Variants in PCBP2 observed in about 807,000 individuals in gnomAD.
The protein encoded by PCBP2 is poly(rC) binding protein 2.
In PCBP2, 4 loss-of-function variants were observed where a neutral mutation model predicts 50.1. The observed-to-expected ratio is 0.08, with a 90% CI of 0.04 to 0.18. The LOEUF is 0.18. PCBP2 is among the 10% of genes least tolerant of loss of function. The probability of loss-of-function intolerance (pLI) is 1.00; values close to 1 mark genes in which losing one functional copy is unlikely to be tolerated. For synonymous variants in PCBP2, 179 were observed against 168.0 expected (o/e 1.07, Z -0.51); for missense variants, 161 against 474.3 (o/e 0.34, Z 6.14).
intron 12 of PCBP2, chr12:53,468,432 A>G (rs1414629571): frequency 3.3e-6 from 1 of 301,750 alleles, no homozygotes; most frequent in Non-Finnish European, 6.2e-6. Flanking sequence ...TTTGGAACAC[A>G]ACAGGAAAGG....
intron 8 of PCBP2, 115 bp from the exon 9 acceptor site, chr12:53,464,645 T>C: frequency 7.1e-7 from 1 of 1,401,504 alleles, no homozygotes; most frequent in Admixed American, 2.7e-5. Flanking sequence ...GTGTCTGAGC[T>C]CCTTTTTAAA....
chr12:53,470,262 C>T (rs907804615), intron 13 of PCBP2, among the ~76,000 whole-genome samples: 6 of 151,056 alleles, frequency 4.0e-5, no homozygotes, highest in Non-Finnish European at 8.8e-5. Flanking sequence ...CCTGTAATCC[C>T]ATTACTCAGA....
intron 1 of PCBP2, among the ~76,000 whole-genome samples, chr12:53,454,016 AAAACATCTCAAATCTGAGT>A (rs1357873478): frequency 2.0e-5 from 3 of 152,238 alleles, no homozygotes; most frequent in Non-Finnish European, 4.4e-5. Context: ...AAAAGCAAGG[AAAACATCTCAAATCTGAGT>A]AACAAGTTGG....
intron 8 of PCBP2, among the ~76,000 whole-genome samples, chr12:53,463,000 T>TC (rs1262102605): frequency 6.6e-6 from 1 of 152,106 alleles, no homozygotes; most frequent in Non-Finnish European, 1.5e-5. Flanking sequence ...TCCCCTTCCC[T>TC]CCACCTCACC....
Position 53,454,797 on chromosome 12 carries a change from C to A in PCBP2, c.-4C>A. 3 of 1,613,802 alleles carry A rather than the reference C, an allele frequency of 1.9e-6. No individual in the cohort carries two copies. The highest frequency in any genetic ancestry group is 2.5e-6 in the Non-Finnish European group (3 of 1,179,714). Reference sequence around the variant, plus strand: ...AAGTCCAGCTCCCCAGAACACTGCTCGACATGGACACCGGTGTGATTGAAG... The same window carrying A: ...AAGTCCAGCTCCCCAGAACACTGCTAGACATGGACACCGGTGTGATTGAAG... On this transcript the variant is annotated 5_prime_UTR_variant, in exon 2 of 15. Coordinates refer to ENST00000546463, the MANE Select transcript of PCBP2 (RefSeq NM_031989.5).
At chr12:53,469,894 A>C (rs1472162022) in intron 13 of PCBP2, among the ~76,000 whole-genome samples, 1 of 150,584 alleles carries the variant, frequency 6.6e-6, no homozygotes. Flanking sequence ...GGCATGTGCC[A>C]CCATGTCCGG....
chr12:53,467,554 G>GTAGGCTGA (rs1329801187), intron 11 of PCBP2: 1 of 614,650 alleles, frequency 1.6e-6, no homozygotes, highest in African/African-American at 1.9e-5. Context: ...CAGGCAAAGG[G>GTAGGCTGA]TAGGCTGATA....
intron 6 of PCBP2, chr12:53,460,746 A>G (rs1941397298): frequency 6.4e-6 from 2 of 313,012 alleles, no homozygotes; most frequent in Non-Finnish European, 1.2e-5. Context: ...TTGAAAGGCA[A>G]CTATTTAGAA....
rs1940567982 is a variant in PCBP2, at chr12:53,452,159, CCCGCCCT to C, written c.-286_-280del. 1 of 132,166 alleles carries C rather than the reference CCCGCCCT, an allele frequency of 7.6e-6. No individual in the cohort carries two copies. Among genetic ancestry groups the C allele is most frequent in the Non-Finnish European group, 1.7e-5 (1 of 60,396 alleles). The allele number at this position is 132,166 out of a possible 1,614,324, so 8.2% of individuals were successfully genotyped here. On this transcript the variant is annotated 5_prime_UTR_variant, in exon 1 of 15. Transcript: ENST00000546463. ...CGCAGCCTGCGCCCTCTCCCGCCCG[CCCGCCCT>C]CCGCCCGCCCGCCCGCCCTCCGCCG...
intron 13 of PCBP2, among the ~76,000 whole-genome samples, chr12:53,470,371 CG>C: frequency 9.6e-6 from 1 of 104,220 alleles, no homozygotes; most frequent in Non-Finnish European, 1.9e-5. Context: ...ACCAAGACTC[CG>C]TCTCTCAAAA....
At chr12:53,466,771 C>G (rs1941854428) in intron 10 of PCBP2, among the ~76,000 whole-genome samples, 1 of 152,078 alleles carries the variant, frequency 6.6e-6, no homozygotes. Context: ...TCACCTCTCT[C>G]CTCCTTGCAG....
In PCBP2 at chr12:53,454,711, A is replaced by T; in HGVS notation, c.-75-15A>T. 1.1e-6 allele frequency: 1 copy of T among 923,894 alleles called. No homozygotes were observed. The highest frequency in any genetic ancestry group is 1.8e-6 in the Non-Finnish European group (1 of 561,114). The allele number at this position is 923,894 out of a possible 1,614,324, so 57.2% of individuals were successfully genotyped here. A position where few individuals can be genotyped will look rare whatever the true frequency, so the allele number is the denominator to read the frequency against. On this transcript the variant is annotated splice_polypyrimidine_tract_variant and intron_variant, in intron 1 of 14. Transcript: ENST00000546463. The stretch of plus-strand genomic sequence containing the variant: ...TTGTTTTCCTCCTCTGATTTTGGTC[A>T]TGTTTGCATTTTAGTTTTTGGCTTT...
chr12:53,467,446 G>T, intron 11 of PCBP2, 153 bp downstream of exon 11: 1 of 734,904 alleles, frequency 1.4e-6, no homozygotes, highest in Non-Finnish European at 2.5e-6. Context: ...GCCCAAGGAG[G>T]TAATGTGTTT....
intron 10 of PCBP2, among the ~76,000 whole-genome samples, chr12:53,466,315 C>A (rs1941819369): frequency 6.6e-6 from 1 of 152,180 alleles, no homozygotes; most frequent in Non-Finnish European, 1.5e-5. Context: ...TGCTTCCTTG[C>A]ATGCAGTTCT....
intron 5 of PCBP2, among the ~76,000 whole-genome samples, chr12:53,457,304 C>T (rs887169835): frequency 6.6e-6 from 1 of 152,140 alleles, no homozygotes; most frequent in Non-Finnish European, 1.5e-5. Context: ...CCTCCTGTTT[C>T]GCCTCCCAAA....
chr12:53,470,890 A>G (rs1031361957), intron 13 of PCBP2, among the ~76,000 whole-genome samples: 76 of 151,624 alleles, frequency 5.0e-4, no homozygotes, highest in Admixed American at 4.9e-3. Flanking sequence ...AACAGAATGT[A>G]TTTCTACCTT....
At chr12:53,453,943 T>A (rs768664368) in intron 1 of PCBP2, among the ~76,000 whole-genome samples, 1 of 152,236 alleles carries the variant, frequency 6.6e-6, no homozygotes, top group African/African-American at 2.4e-5. Context: ...TTATTTTGAT[T>A]GTTTTCTTTG....
chr12:53,462,096 A>G (rs980734569), intron 7 of PCBP2, among the ~76,000 whole-genome samples: 10 of 152,256 alleles, frequency 6.6e-5, no homozygotes, highest in Non-Finnish European at 1.2e-4. Context: ...TATTCTAGAC[A>G]TAACACTTGA....
chr12:53,460,923 T>C, intron 6 of PCBP2, 92 bp from the exon 7 acceptor site: 1 of 1,352,450 alleles, frequency 7.4e-7, no homozygotes, highest in East Asian at 2.3e-5. Flanking sequence ...GATAAATATC[T>C]ACTAGAGTTT....
Sources: gnomAD v4.1 joint callset for allele counts (sites outside exome capture counted in the v4.1 genomes callset) on GRCh38, gnomAD v4.1.1 for gene constraint, MANE v1.5 for transcripts, NCBI Gene and HGNC (gene_info 2026-07-23, HGNC 2026-07-21) for gene names.